CTNNA2: variants seen among roughly 807,000 people sequenced by gnomAD.
CTNNA2 encodes the protein catenin alpha 2.
In CTNNA2, 42 loss-of-function variants were observed where a neutral mutation model predicts 101.0. That is an observed-to-expected ratio of 0.42 (90% CI 0.32 to 0.54). The LOEUF (loss-of-function observed/expected upper bound fraction) is 0.54. Among genes scored for constraint, CTNNA2 ranks in the 20% least tolerant of loss-of-function variants. The pLI is 0.14. For synonymous variants in CTNNA2, 450 were observed against 456.4 expected (o/e 0.99, Z 0.18); for missense variants, 871 against 1,223.1 (o/e 0.71, Z 4.29).
intron 2 of CTNNA2, among the ~76,000 whole-genome samples, chr2:79,717,872 C>T (rs975135731): frequency 2.0e-5 from 3 of 152,076 alleles, no homozygotes; most frequent in African/African-American, 7.2e-5. Flanking sequence ...GTGGAACCTA[C>T]CTTTCACTCT....
chr2:79,314,015 GCTGAGGGATGGGGCATC>G (rs771061378), intron 3 of CTNNA2, among the ~76,000 whole-genome samples: 1 of 152,104 alleles, frequency 6.6e-6, no homozygotes, highest in Non-Finnish European at 1.5e-5. Flanking sequence ...TGTGCTCTTT[GCTGAGGGATGGGGCATC>G]CTTCTGTGCT....
intron 2 of CTNNA2, among the ~76,000 whole-genome samples, chr2:79,207,505 CTG>C (rs1358570565): frequency 6.6e-6 from 1 of 152,162 alleles, no homozygotes; most frequent in Non-Finnish European, 1.5e-5. Flanking sequence ...TCATTTAAAT[CTG>C]TAGCCCAAAT....
intron 1 of CTNNA2, among the ~76,000 whole-genome samples, chr2:79,619,298 A>G (rs1038653312): frequency 1.3e-5 from 2 of 152,176 alleles, no homozygotes; most frequent in Non-Finnish European, 2.9e-5. Flanking sequence ...AGACTAAGAA[A>G]GAAGAAGGGC....
At chr2:80,408,988 A>G (rs1016592673) in intron 8 of CTNNA2, among the ~76,000 whole-genome samples, 4 of 152,160 alleles carry the variant, frequency 2.6e-5, no homozygotes, top group African/African-American at 9.7e-5. Flanking sequence ...GTCAAATGAA[A>G]CAATGTCTAG....
intron 1 of CTNNA2, among the ~76,000 whole-genome samples, chr2:79,570,178 A>G (rs1356595667): frequency 1.3e-5 from 2 of 152,168 alleles, no homozygotes; most frequent in Non-Finnish European, 1.5e-5. Context: ...ACTGTAATAT[A>G]TTATTTCTTG....
At chr2:80,338,164 T>C (rs1573763756) in intron 7 of CTNNA2, among the ~76,000 whole-genome samples, 1 of 151,996 alleles carries the variant, frequency 6.6e-6, no homozygotes, top group Admixed American at 6.5e-5. Context: ...AATTTTTATA[T>C]TTGTGGTAGA....
intron 1 of CTNNA2, among the ~76,000 whole-genome samples, chr2:79,187,729 T>C (rs1046976605): frequency 3.9e-5 from 6 of 152,174 alleles, no homozygotes; most frequent in Admixed American, 1.3e-4. Flanking sequence ...TCAAAGGCAG[T>C]ATGAACTGCT....
chr2:80,627,826 T>C (rs2149821724), intron 18 of CTNNA2, among the ~76,000 whole-genome samples: 1 of 152,132 alleles, frequency 6.6e-6, no homozygotes, highest in Non-Finnish European at 1.5e-5. Flanking sequence ...TCCTCTAGGG[T>C]TTTTATGATT....
At chr2:79,455,374 C>G (rs1033238578) in intron 4 of CTNNA2, among the ~76,000 whole-genome samples, 1 of 152,092 alleles carries the variant, frequency 6.6e-6, no homozygotes, top group Non-Finnish European at 1.5e-5. Flanking sequence ...AAGGTCATCG[C>G]AGTTATGCCT....
At chr2:80,629,637 G>A (rs72926523) in intron 18 of CTNNA2, among the ~76,000 whole-genome samples, 2,131 of 152,200 alleles carry the variant, frequency 0.014, 61 homozygotes, top group African/African-American at 0.049. Context: ...AGGAAAACTG[G>A]GTTTGCTTCT....
At chr2:80,578,445 T>G (rs540567016) in intron 13 of CTNNA2, among the ~76,000 whole-genome samples, 4 of 152,202 alleles carry the variant, frequency 2.6e-5, no homozygotes, top group African/African-American at 9.6e-5. Flanking sequence ...TCTGTAATTT[T>G]CCATGTTTCC....
intron 1 of CTNNA2, among the ~76,000 whole-genome samples, chr2:79,549,428 T>C (rs1250758991): frequency 6.6e-6 from 1 of 152,178 alleles, no homozygotes; most frequent in Non-Finnish European, 1.5e-5. Context: ...ATGTGATGTT[T>C]TGCAGAACAT....
chr2:79,983,756 T>G (rs894348758), intron 7 of CTNNA2, among the ~76,000 whole-genome samples: 9 of 152,248 alleles, frequency 5.9e-5, no homozygotes, highest in African/African-American at 2.2e-4. Context: ...TTTTCTAATC[T>G]TAAAATTGTG....
At chr2:79,692,539 A>T (rs544389546) in intron 2 of CTNNA2, among the ~76,000 whole-genome samples, 6 of 152,056 alleles carry the variant, frequency 3.9e-5, no homozygotes, top group Non-Finnish European at 8.8e-5. Flanking sequence ...ATTACAAAGG[A>T]TTATAAATCA....
intron 7 of CTNNA2, among the ~76,000 whole-genome samples, chr2:80,093,971 T>G (rs1261355782): frequency 1.3e-5 from 2 of 152,090 alleles, no homozygotes; most frequent in Non-Finnish European, 1.5e-5. Flanking sequence ...TTCACTCTGA[T>G]GGTAGTTTCT....
intron 2 of CTNNA2, among the ~76,000 whole-genome samples, chr2:79,701,883 T>A (rs746030243): frequency 6.6e-6 from 1 of 150,860 alleles, no homozygotes; most frequent in Non-Finnish European, 1.5e-5. Flanking sequence ...ATACCTGTAA[T>A]CCCAGCTACT....
At chr2:79,914,426 C>G (rs1252510852) in intron 7 of CTNNA2, among the ~76,000 whole-genome samples, 1 of 152,032 alleles carries the variant, frequency 6.6e-6, no homozygotes, top group Non-Finnish European at 1.5e-5. Flanking sequence ...AAATGAAGAA[C>G]AATAAGGAAA....
intron 7 of CTNNA2, among the ~76,000 whole-genome samples, chr2:80,085,959 T>G (rs1168705684): frequency 6.6e-6 from 1 of 152,040 alleles, no homozygotes; most frequent in Non-Finnish European, 1.5e-5. Context: ...CGGTTAAACT[T>G]AGCAAGAAAG....
intron 4 of CTNNA2, among the ~76,000 whole-genome samples, chr2:79,861,461 C>CT (rs1284898866): frequency 6.6e-6 from 1 of 152,168 alleles, no homozygotes; most frequent in African/African-American, 2.4e-5. Context: ...CGTTCAGCCT[C>CT]TAAAAATGAG....
Sources: allele counts gnomAD v4.1 joint callset (sites outside exome capture counted in the v4.1 genomes callset), GRCh38; gene constraint gnomAD v4.1.1; transcripts MANE v1.5; gene names NCBI Gene and HGNC (gene_info 2026-07-23, HGNC 2026-07-21).